Variants in TCTN1 observed in about 807,000 individuals in gnomAD.
The protein encoded by TCTN1 is tectonic-1.
Under a neutral mutation model 65.8 loss-of-function variants are expected in TCTN1, and 58 were observed. The observed-to-expected ratio is 0.88, with a 90% confidence interval of 0.71 to 1.10. TCTN1 has a LOEUF of 1.10. Ranked by LOEUF, TCTN1 falls within the 50% of genes least tolerant of loss-of-function variation. The probability of loss-of-function intolerance (pLI) is 0.00; values close to 1 mark genes in which losing one functional copy is unlikely to be tolerated. For synonymous variants in TCTN1, 273 were observed against 289.1 expected (o/e 0.94, Z 0.57); for missense variants, 645 against 719.4 (o/e 0.90, Z 1.18).
In TCTN1 at chr12:110,644,921, G is replaced by A. The variant is rs1032602524; in HGVS notation, c.1332-46G>A. Reference sequence around the variant, plus strand: ...AGAAGAAAATGAAAAACTGCTGGTGGATGAACAACAGCCTCATTCAGTTGA... The same window carrying A: ...AGAAGAAAATGAAAAACTGCTGGTGAATGAACAACAGCCTCATTCAGTTGA... On this transcript the variant is annotated intron_variant, in intron 11 of 14. Transcript: ENST00000397659. The surrounding 1 kb of genome is among the most constrained non-coding windows in gnomAD (Gnocchi z 4.6). 1.6e-5 allele frequency: 26 copies of A among 1,610,592 alleles called. No individual in the cohort carries two copies. The highest frequency in any genetic ancestry group is 2.1e-5 in the Non-Finnish European group (25 of 1,177,064).
chr12:110,632,172 G>GT (rs1469607118), intron 4 of TCTN1, among the ~76,000 whole-genome samples: 4 of 152,176 alleles, frequency 2.6e-5, no homozygotes. Context: ...CCTGTGTCCA[G>GT]CCACCTAGTT....
At position 110,628,263 on chromosome 12, in the gene TCTN1, A is replaced by C. The variant is rs2065984825; in HGVS notation, c.473-504A>C. On this transcript the variant is annotated intron_variant, in intron 3 of 14. Coordinates refer to ENST00000397659, the MANE Select transcript of TCTN1 (RefSeq NM_001082538.3). ...ACTATTACTTCCCCATTATTAGAAG[A>C]AGCAGGCTGAGTCTGGAGGTCCTGT... is the stretch of plus-strand genomic sequence containing the variant. 3.3e-6 allele frequency: 5 copies of C among 1,532,978 alleles called. No individual in the cohort carries two copies. In the Admixed American group the frequency reaches 7.8e-5, roughly 24 times the overall value. 95.0% of individuals were successfully genotyped at this position (1,532,978 alleles called of 1,614,324 possible). A position where few individuals can be genotyped will look rare whatever the true frequency, so the allele number is the denominator to read the frequency against.
intron 14 of TCTN1, 184 bp from the exon 15 acceptor site, chr12:110,648,856 ATGT>A (rs1346970311): frequency 3.2e-5 from 12 of 373,066 alleles, no homozygotes; most frequent in African/African-American, 2.4e-4. Flanking sequence ...TTGAGGAAAA[ATGT>A]TGTCAGGTGG....
At position 110,616,371 on chromosome 12, in the gene TCTN1, A is replaced by G. The variant is rs2065036207; in HGVS notation, c.220+1969A>G. The G allele has an allele frequency of 8.8e-6, 3 of 340,454 alleles. 1 individual carries two copies. The highest frequency in any genetic ancestry group is 1.9e-5 in the Non-Finnish European group (3 of 161,696). The allele number at this position is 340,454 out of a possible 1,614,324, so 21.1% of individuals were successfully genotyped here. On this transcript the variant is annotated intron_variant, in intron 1 of 14. Transcript: ENST00000397659. ...GGCTCAGGTGATCTTCCCACCTCAGACTCCCGGGTAGCTGGAACTACAGGT... is the reference window on the plus strand; with the variant it reads ...GGCTCAGGTGATCTTCCCACCTCAGGCTCCCGGGTAGCTGGAACTACAGGT...
chr12:110,627,802 T>G (rs1404106310), intron 3 of TCTN1: 1 of 582,668 alleles, frequency 1.7e-6, no homozygotes, highest in Non-Finnish European at 3.0e-6. Flanking sequence ...CCAAAGTACA[T>G]GTACATGTAA....
chr12:110,636,653 A>G (rs2066591099), intron 7 of TCTN1, 152 bp downstream of exon 7: 2 of 532,032 alleles, frequency 3.8e-6, no homozygotes, highest in Non-Finnish European at 6.7e-6. Context: ...CAGAAGTGCA[A>G]TAGGGAAACT....
chr12:110,621,318 A>G (rs1031804649), intron 2 of TCTN1, among the ~76,000 whole-genome samples: 9 of 152,182 alleles, frequency 5.9e-5, no homozygotes, highest in African/African-American at 1.7e-4. Context: ...TATTTCTAGT[A>G]TTGTAAAAAT....
intron 4 of TCTN1, 124 bp downstream of exon 4, chr12:110,629,042 CTT>C (rs764914517): frequency 9.2e-7 from 1 of 1,085,448 alleles, no homozygotes; most frequent in South Asian, 1.4e-5. Flanking sequence ...GACTAAAAAA[CTT>C]AATGTTCATG....
In TCTN1 at chr12:110,649,395, G is replaced by C; in HGVS notation, c.*354G>C. 6.2e-7 allele frequency: 1 copy of C among 1,601,030 alleles called. No homozygotes were observed. The highest frequency in any genetic ancestry group is 8.5e-7 in the Non-Finnish European group (1 of 1,170,126). On this transcript the variant is annotated 3_prime_UTR_variant, in exon 15 of 15. Coordinates refer to ENST00000397659, the MANE Select transcript of TCTN1 (RefSeq NM_001082538.3). ...ATGAGACAGTGTCTTCTTTTTGAGG[G>C]GAGCTGGTCCGGGTCTAGTTCACTT...
At chr12:110,641,183 T>C in intron 9 of TCTN1, 34 bp downstream of exon 9, 1 of 1,614,040 alleles carries the variant, frequency 6.2e-7, no homozygotes, top group Non-Finnish European at 8.5e-7. Flanking sequence ...AGTATTTAAT[T>C]GCCAAGTTAA....
chr12:110,618,830 A>T (rs1018870683), intron 1 of TCTN1, among the ~76,000 whole-genome samples: 1 of 152,142 alleles, frequency 6.6e-6, no homozygotes, highest in Non-Finnish European at 1.5e-5. Flanking sequence ...AAAAATCCAG[A>T]TAATCATCTT....
At chr12:110,635,690 C>G (rs1246574932) in intron 6 of TCTN1, 1 of 152,258 alleles carries the variant, frequency 6.6e-6, no homozygotes, top group Non-Finnish European at 1.5e-5. Context: ...CGATTATTGT[C>G]AAAGGGGTCC....
In TCTN1 at chr12:110,649,367, C is replaced by T. The variant is rs2067670681; in HGVS notation, c.*326C>T. On this transcript the variant is annotated 3_prime_UTR_variant, in exon 15 of 15. Transcript: ENST00000397659. ...GCTGTTCCTCTCGTGACAGCACAGG[C>T]CCATGAGACAGTGTCTTCTTTTTGA... is the stretch of plus-strand genomic sequence containing the variant. The T allele has an allele frequency of 2.6e-6, 4 of 1,513,932 alleles. No individual in the cohort carries two copies. The highest frequency in any genetic ancestry group is 3.7e-6 in the Non-Finnish European group (4 of 1,093,940). The allele number at this position is 1,513,932 out of a possible 1,614,324, so 93.8% of individuals were successfully genotyped here. A position where few individuals can be genotyped will look rare whatever the true frequency, so the allele number is the denominator to read the frequency against.
intron 11 of TCTN1, among the ~76,000 whole-genome samples, chr12:110,643,043 A>G (rs1173286207): frequency 1.3e-5 from 2 of 151,300 alleles, no homozygotes. Context: ...GGTGTGAGCC[A>G]CCATGCCTGG....
In TCTN1 at chr12:110,640,466, G is replaced by T. The variant is rs777373658; in HGVS notation, c.927G>T (p.Pro309=). 5 of 1,614,094 alleles carry T rather than the reference G, an allele frequency of 3.1e-6. No individual in the cohort carries two copies. Among genetic ancestry groups the T allele is most frequent in the Non-Finnish European group, 4.2e-6 (5 of 1,180,058 alleles). ...GGGAGGACACTGATGTGCTGCAGCC[G>T]ACTCTCGTCAACGCTGGACACTTTA... ...TRREDTDVLQ[P]TLVNAGHFSL... is the part of the protein sequence containing the mutation. The change falls in exon 8 of 15, where the codon CCG becomes CCT. Residue 309 remains proline, a synonymous_variant. Transcript: ENST00000397659. The surrounding 1 kb of genome is among the most constrained non-coding windows in gnomAD (Gnocchi z 4.9).
In TCTN1 at chr12:110,634,552, G is replaced by C; in HGVS notation, c.713-118G>C. On this transcript the variant is annotated intron_variant, in intron 5 of 14. Coordinates refer to ENST00000397659, the MANE Select transcript of TCTN1 (RefSeq NM_001082538.3). ...CAAACAACAACAAAATTGTATATCT[G>C]TGTTGTAACTTATTTTACAGTTTTA... 4 of 779,076 alleles carry C rather than the reference G, an allele frequency of 5.1e-6. No individual in the cohort carries two copies. The South Asian group carries it at 6.5e-5, about 13-fold the overall frequency. 48.3% of individuals were successfully genotyped at this position (779,076 alleles called of 1,614,324 possible).
chr12:110,636,767 A>G (rs1178354441), intron 7 of TCTN1, among the ~76,000 whole-genome samples: 6 of 152,142 alleles, frequency 3.9e-5, no homozygotes, highest in African/African-American at 1.2e-4. Context: ...AGCAGTGGGT[A>G]TGATTGACTT....
chr12:110,629,024 A>G lies in TCTN1; in HGVS notation c.624+106A>G, dbSNP rs775572029. 29 of 1,310,412 alleles carry G rather than the reference A, an allele frequency of 2.2e-5. No homozygotes were observed. The African/African-American group carries it at 2.6e-4, about 12-fold the overall frequency. The allele number at this position is 1,310,412 out of a possible 1,614,324, so 81.2% of individuals were successfully genotyped here. ...AACTGGGTTCCTTGAGACAGAGTTG[A>G]TATTATAGACTAAAAAACTTAATGT... On this transcript the variant is annotated intron_variant, in intron 4 of 14. Coordinates refer to ENST00000397659, the MANE Select transcript of TCTN1 (RefSeq NM_001082538.3).
intron 5 of TCTN1, among the ~76,000 whole-genome samples, chr12:110,633,436 G>A (rs774942956): frequency 6.6e-6 from 1 of 152,104 alleles, no homozygotes; most frequent in Non-Finnish European, 1.5e-5. Flanking sequence ...GAGATTAGGA[G>A]TTTGAGCCTG....
Sources: gnomAD v4.1 joint callset for allele counts (sites outside exome capture counted in the v4.1 genomes callset) on GRCh38, gnomAD v4.1.1 for gene constraint, Gnocchi (gnomAD v3.1) non-coding constraint, MANE v1.5 for transcripts, NCBI Gene and HGNC (gene_info 2026-07-23, HGNC 2026-07-21) for gene names.